The following RELN variants were observed in gnomAD, a reference collection of about 807,000 sequenced individuals.
The protein encoded by RELN is reelin.
RELN carries 108 observed loss-of-function variants against 427.6 expected under a neutral mutation model. The observed-to-expected ratio is 0.25, with a 90% CI of 0.22 to 0.30. The LOEUF (loss-of-function observed/expected upper bound fraction) is 0.30. Among genes scored for constraint, RELN ranks in the 10% least tolerant of loss-of-function variants. The pLI is 1.00. For missense variants in RELN, 3,715 were observed against 4,302.8 expected (o/e 0.86, Z 3.82); for synonymous variants, 1,524 against 1,513.4 (o/e 1.01, Z -0.16).
rs577423060 is a variant in RELN, at chr7:103,473,062, A to G, written c.10287-154T>C. The G allele has an allele frequency of 1.5e-5, 11 of 747,806 alleles. No individual in the cohort carries two copies. In the African/African-American group the frequency reaches 1.7e-4, roughly 12 times the overall value. The allele number at this position is 747,806 out of a possible 1,614,324, so 46.3% of individuals were successfully genotyped here. On this transcript the variant is annotated intron_variant, in intron 64 of 64. Coordinates refer to ENST00000428762, the MANE Select transcript of RELN (RefSeq NM_005045.4). ...ATAGGTCATGCTCACATTACCACCC[A>G]GGGTCAGAGGAACTAAAGGCTGGGA...
intron 2 of RELN, among the ~76,000 whole-genome samples, 157 bp downstream of exon 2, chr7:103,916,918 C>T (rs902170278): frequency 2.6e-5 from 4 of 152,132 alleles, no homozygotes; most frequent in Admixed American, 6.6e-5. Context: ...TATTTCAATT[C>T]ACCCAACATC....
chr7:103,853,958 TAGA>T (rs1793883937), intron 2 of RELN, among the ~76,000 whole-genome samples: 1 of 152,070 alleles, frequency 6.6e-6, no homozygotes, highest in African/African-American at 2.4e-5. Flanking sequence ...TTCAAAAAGC[TAGA>T]AGAAGGGATT....
At chr7:103,936,303 G>A (rs1009493948) in intron 1 of RELN, among the ~76,000 whole-genome samples, 5 of 152,044 alleles carry the variant, frequency 3.3e-5, no homozygotes, top group African/African-American at 1.2e-4. Context: ...ATGTTGGCCA[G>A]GCTGGTCTTG....
At chr7:103,551,000 G>C (rs1584286609) in intron 41 of RELN, 67 bp downstream of exon 41, 1 of 1,325,916 alleles carries the variant, frequency 7.5e-7, no homozygotes, top group East Asian at 2.4e-5. Context: ...AGTGGCAAGT[G>C]AACGATGACT....
intron 6 of RELN, among the ~76,000 whole-genome samples, chr7:103,737,679 CCTT>C (rs1790528911): frequency 6.6e-6 from 1 of 152,146 alleles, no homozygotes; most frequent in African/African-American, 2.4e-5. Flanking sequence ...CAATCTTTTT[CCTT>C]ATTTCATATT....
intron 2 of RELN, among the ~76,000 whole-genome samples, chr7:103,898,548 C>T (rs898472696): frequency 6.6e-6 from 1 of 151,960 alleles, no homozygotes; most frequent in African/African-American, 2.4e-5. Flanking sequence ...AACCAATATA[C>T]ACTAAAAACA....
intron 3 of RELN, among the ~76,000 whole-genome samples, chr7:103,814,202 A>C (rs1332538102): frequency 6.6e-6 from 1 of 152,188 alleles, no homozygotes; most frequent in East Asian, 1.9e-4. Context: ...GCATAATAAC[A>C]CTGCTTATTT....
chr7:103,502,952 A>G lies in RELN; in HGVS notation c.8489+64T>C, dbSNP rs576019453. 7.3e-5 allele frequency: 96 copies of G among 1,318,310 alleles called. No individual in the cohort carries two copies. In the South Asian group the frequency reaches 8.6e-4, roughly 12 times the overall value. 81.7% of individuals were successfully genotyped at this position (1,318,310 alleles called of 1,614,324 possible). Reference sequence around the variant, plus strand: ...TACACATAATTTCAGGCATGACAACAGTGTACCTAATGGTGTACCTTCTGG... The same window carrying G: ...TACACATAATTTCAGGCATGACAACGGTGTACCTAATGGTGTACCTTCTGG... On this transcript the variant is annotated intron_variant, in intron 52 of 64. Coordinates refer to ENST00000428762, the MANE Select transcript of RELN (RefSeq NM_005045.4).
intron 2 of RELN, among the ~76,000 whole-genome samples, chr7:103,837,025 A>G (rs1422279672): frequency 6.6e-6 from 1 of 151,712 alleles, no homozygotes; most frequent in African/African-American, 2.4e-5. Context: ...TTTAAAAAAT[A>G]TTCTCCTATG....
At chr7:103,643,397 ACCATCTTGTATCATGGCTTCC>A in intron 16 of RELN, among the ~76,000 whole-genome samples, 2 of 152,142 alleles carry the variant, frequency 1.3e-5, no homozygotes, top group South Asian at 4.1e-4. Context: ...GCAGGGATTC[ACCATCTTGTATCATGGCTTCC>A]CAAAACTACA....
intron 48 of RELN, among the ~76,000 whole-genome samples, chr7:103,520,046 G>C (rs2528868): frequency 0.52 from 79,148 of 151,764 alleles, 24,004 homozygotes; most frequent in African/African-American, 0.82. Context: ...ATAATTTTCT[G>C]TTTTCTTTTT....
intron 6 of RELN, among the ~76,000 whole-genome samples, chr7:103,731,633 A>G (rs1328144465): frequency 6.6e-6 from 1 of 152,098 alleles, no homozygotes; most frequent in African/African-American, 2.4e-5. Context: ...GGCAAATCCA[A>G]CTTTTAGAAA....
At chr7:103,757,911 T>C (rs1008143949) in intron 4 of RELN, among the ~76,000 whole-genome samples, 3 of 152,200 alleles carry the variant, frequency 2.0e-5, no homozygotes, top group African/African-American at 4.8e-5. Context: ...TGGAAGTAAC[T>C]TATGGAAAGA....
intron 11 of RELN, among the ~76,000 whole-genome samples, chr7:103,673,012 T>C (rs941047800): frequency 2.0e-5 from 3 of 152,110 alleles, no homozygotes; most frequent in African/African-American, 7.2e-5. Flanking sequence ...ATTTCTTTGG[T>C]TATGTTAGTT....
chr7:103,527,709 T>C (rs892076664), intron 46 of RELN, among the ~76,000 whole-genome samples: 6 of 152,234 alleles, frequency 3.9e-5, no homozygotes, highest in African/African-American at 1.4e-4. Context: ...CCTTCCTTTA[T>C]GTTTTGCATA....
At chr7:103,691,660 A>G (rs1165750357) in intron 10 of RELN, among the ~76,000 whole-genome samples, 2 of 152,032 alleles carry the variant, frequency 1.3e-5, no homozygotes, top group African/African-American at 4.8e-5. Flanking sequence ...TAAAAGTACA[A>G]AACTTAGCCG....
chr7:103,777,573 G>A lies in RELN; in HGVS notation c.474-946C>T, dbSNP rs146080451. Among the ~76,000 whole-genome samples, 208 of 152,260 alleles carry A rather than the reference G, an allele frequency of 1.4e-3. 1 individual carries two copies. The highest frequency in any genetic ancestry group is 4.8e-3 in the African/African-American group (201 of 41,552). ...GCACTGTACTAGCTCACGACAGGGCGAAGTTTAGCCTATGTATTCCCCCTT... is the reference window on the plus strand; with the variant it reads ...GCACTGTACTAGCTCACGACAGGGCAAAGTTTAGCCTATGTATTCCCCCTT... On this transcript the variant is annotated intron_variant, in intron 3 of 64. Coordinates refer to ENST00000428762, the MANE Select transcript of RELN (RefSeq NM_005045.4).
chr7:103,731,437 C>A (rs1191767903), intron 6 of RELN, among the ~76,000 whole-genome samples: 1 of 152,084 alleles, frequency 6.6e-6, no homozygotes, highest in African/African-American at 2.4e-5. Context: ...TAGGTGCTGA[C>A]AGAAGCTCTA....
rs562034816 is a variant in RELN, at chr7:103,850,278, C to G, written c.338-16606G>C. On this transcript the variant is annotated intron_variant, in intron 2 of 64. Transcript: ENST00000428762. ...ACCCCAAATACTGTGAGTGCCCCAA[C>G]TGTGGAAGTGGCAAAGGGAGACCCT... Among the ~76,000 whole-genome samples the G allele has an allele frequency of 9.2e-5, 14 of 152,340 alleles. No homozygotes were observed. In the South Asian group the frequency reaches 2.9e-3, roughly 32 times the overall value.
Sources: gnomAD v4.1 joint callset for allele counts (sites outside exome capture counted in the v4.1 genomes callset) on GRCh38, gnomAD v4.1.1 for gene constraint, MANE v1.5 for transcripts, NCBI Gene and HGNC (gene_info 2026-07-23, HGNC 2026-07-21) for gene names.